The following GATAD2A variants were observed in gnomAD, a reference collection of about 807,000 sequenced individuals.
GATAD2A encodes transcriptional repressor p66-alpha.
In GATAD2A, 12 loss-of-function variants were observed where a neutral mutation model predicts 68.5. The observed-to-expected ratio is 0.18, with a 90% CI of 0.11 to 0.28. GATAD2A has a LOEUF of 0.28. Ranked by LOEUF, GATAD2A falls within the 10% of genes least tolerant of loss-of-function variation. The pLI is 1.00. For synonymous variants in GATAD2A, 410 were observed against 375.3 expected, an observed-to-expected ratio of 1.09 and a Z score of -1.07; for missense variants, 755 against 868.5, an observed-to-expected ratio of 0.87 and a Z score of 1.64.
chr19:19,502,335 C>T lies in GATAD2A; in HGVS notation c.1583C>T (p.Ser528Phe), dbSNP rs770969551. The T allele has an allele frequency of 2.5e-6, 4 of 1,609,160 alleles. No homozygotes were observed. Among genetic ancestry groups the T allele is most frequent in the Non-Finnish European group, 2.5e-6 (3 of 1,177,052 alleles). Residue 528 changes from serine (S) to phenylalanine (F), a missense_variant, in exon 11 of 12, where the codon TCC becomes TTC. By Grantham distance (155) the Ser-to-Phe change is radical (BLOSUM62 -2). Coordinates refer to ENST00000683918, the MANE Select transcript of GATAD2A (RefSeq NM_001384528.1). ...DWSNGAVLQA[S>F]SQLSRGSATT... ...ACCCCCCTTTCTCCACTGCAGGCCT[C>T]CAGCCAGCTGTCCCGGGGTTCGGCC...
At chr19:19,398,934 C>T (rs1410251711) in intron 1 of GATAD2A, among the ~76,000 whole-genome samples, 1 of 152,176 alleles carries the variant, frequency 6.6e-6, no homozygotes, top group East Asian at 1.9e-4. Flanking sequence ...TGGCGGGCGC[C>T]TGTAATCCCA....
At chr19:19,474,266 A>G (rs1261058708) in intron 2 of GATAD2A, 1 of 561,488 alleles carries the variant, frequency 1.8e-6, no homozygotes, top group African/African-American at 2.1e-5. Flanking sequence ...CCACGTGAGC[A>G]TGGGGCTCTC....
intron 11 of GATAD2A, among the ~76,000 whole-genome samples, chr19:19,503,964 T>C (rs1242369728): frequency 6.6e-6 from 1 of 152,202 alleles, no homozygotes; most frequent in Non-Finnish European, 1.5e-5. Context: ...CCCAGCACTT[T>C]GTGAGGCCGA....
chr19:19,430,986 T>G (rs1278829993), intron 1 of GATAD2A, among the ~76,000 whole-genome samples: 5 of 138,896 alleles, frequency 3.6e-5, no homozygotes, highest in Admixed American at 7.1e-5. Flanking sequence ...GGTGTGTGTG[T>G]GTGTGTGTGT....
At chr19:19,428,944 G>A (rs1398267658) in intron 1 of GATAD2A, among the ~76,000 whole-genome samples, 1 of 152,012 alleles carries the variant, frequency 6.6e-6, no homozygotes, top group Non-Finnish European at 1.5e-5. Flanking sequence ...GCCCATGGCT[G>A]TAGTCTTGCC....
At chr19:19,408,847 C>T (rs1428897698) in intron 1 of GATAD2A, among the ~76,000 whole-genome samples, 1 of 152,032 alleles carries the variant, frequency 6.6e-6, no homozygotes, top group African/African-American at 2.4e-5. Context: ...GACCTTTCTC[C>T]TACTGGGGTC....
chr19:19,389,889 A>T (rs2048719314), intron 1 of GATAD2A, among the ~76,000 whole-genome samples: 1 of 152,058 alleles, frequency 6.6e-6, no homozygotes, highest in African/African-American at 2.4e-5. Flanking sequence ...CAGCCTCTGA[A>T]GTAGCTGGGA....
chr19:19,488,188 C>T (rs73922890), intron 2 of GATAD2A, among the ~76,000 whole-genome samples: 5,350 of 152,272 alleles, frequency 0.035, 324 homozygotes, highest in African/African-American at 0.12. Flanking sequence ...GCGGTGACAG[C>T]GGTGGTCAGA....
At chr19:19,441,191 C>T (rs1050890436) in intron 1 of GATAD2A, among the ~76,000 whole-genome samples, 25 of 151,972 alleles carry the variant, frequency 1.6e-4, no homozygotes, top group African/African-American at 5.1e-4. Flanking sequence ...TACAGGCGCC[C>T]GCCACCATGC....
At chr19:19,466,882 T>C (rs1466065447) in intron 2 of GATAD2A, among the ~76,000 whole-genome samples, 1 of 152,164 alleles carries the variant, frequency 6.6e-6, no homozygotes, top group African/African-American at 2.4e-5. Flanking sequence ...CCATGACAGC[T>C]CAGCAGGGGT....
At chr19:19,396,833 C>G (rs971077454) in intron 1 of GATAD2A, among the ~76,000 whole-genome samples, 1 of 151,918 alleles carries the variant, frequency 6.6e-6, no homozygotes, top group Admixed American at 6.6e-5. Flanking sequence ...GTCAGCCTCC[C>G]GAGTAGCTGG....
intron 1 of GATAD2A, among the ~76,000 whole-genome samples, chr19:19,414,890 G>T (rs1468908939): frequency 7.1e-6 from 1 of 141,764 alleles, no homozygotes; most frequent in East Asian, 2.0e-4. Flanking sequence ...GGTGTCTGTA[G>T]GGTGAGGATG....
At chr19:19,448,103 C>T (rs1009334975) in intron 1 of GATAD2A, among the ~76,000 whole-genome samples, 2 of 152,340 alleles carry the variant, frequency 1.3e-5, no homozygotes, top group South Asian at 2.1e-4. Flanking sequence ...CGTAGGCTCA[C>T]GGTCCAGGAG....
rs1309018329 is a variant in GATAD2A, at chr19:19,492,329, C to T, written c.293C>T (p.Pro98Leu). ...SHSDMKSERR[P>L]PSPDVIVLSD... ...AGTGACATGAAGTCCGAGAGGAGACCCCCCTCACCTGACGTGATTGTGCTC... is the reference window on the plus strand; with the variant it reads ...AGTGACATGAAGTCCGAGAGGAGACTCCCCTCACCTGACGTGATTGTGCTC... Residue 98 changes from proline to leucine, a missense_variant, in exon 3 of 12, where the codon CCC (proline) becomes CTC (leucine). Physicochemically the swap from Pro to Leu is moderately conservative, Grantham distance 98. Transcript: ENST00000683918. 6.2e-7 allele frequency: 1 copy of T among 1,606,964 alleles called. No homozygotes were observed. The highest frequency in any genetic ancestry group is 8.5e-7 in the Non-Finnish European group (1 of 1,176,718).
chr19:19,451,525 A>G (rs1278274738), intron 1 of GATAD2A, among the ~76,000 whole-genome samples: 1 of 152,210 alleles, frequency 6.6e-6, no homozygotes, highest in Non-Finnish European at 1.5e-5. Flanking sequence ...TTTTGGCACG[A>G]AGTAGAACCA....
chr19:19,508,118 A>T lies in GATAD2A; in HGVS notation c.*2644A>T, dbSNP rs2144607634. On this transcript the variant is annotated 3_prime_UTR_variant, in exon 12 of 12. Transcript: ENST00000683918. ...AATGTGGGAGCCCCCAGCCCAACTG[A>T]TTGTAACTGTCCCCTGTTACCTGTG... is the stretch of plus-strand genomic sequence containing the variant. 1 of 152,352 alleles carries T rather than the reference A, an allele frequency of 6.6e-6. No individual in the cohort carries two copies. The highest frequency in any genetic ancestry group is 2.4e-5 in the African/African-American group (1 of 41,564). 9.4% of individuals were successfully genotyped at this position (152,352 alleles called of 1,614,324 possible).
intron 1 of GATAD2A, 117 bp downstream of exon 1, chr19:19,406,136 A>C (rs957252982): frequency 6.6e-6 from 1 of 151,512 alleles, no homozygotes; most frequent in Admixed American, 6.6e-5. Context: ...CCCCTGCATG[A>C]GCGTGGAAAA....
intron 2 of GATAD2A, among the ~76,000 whole-genome samples, chr19:19,491,736 C>A (rs1023027030): frequency 6.6e-6 from 1 of 152,234 alleles, no homozygotes; most frequent in Non-Finnish European, 1.5e-5. Flanking sequence ...ATACACCCCT[C>A]GGTCTTCTGG....
chr19:19,498,396 C>G, intron 7 of GATAD2A, 47 bp from the exon 8 acceptor site: 1 of 1,561,428 alleles, frequency 6.4e-7, no homozygotes, highest in Non-Finnish European at 8.7e-7. Flanking sequence ...GAGCCTTCCT[C>G]TGGGCAGGCG....
Sources: allele counts gnomAD v4.1 joint callset (sites outside exome capture counted in the v4.1 genomes callset), GRCh38; gene constraint gnomAD v4.1.1; transcripts MANE v1.5; gene names NCBI Gene and HGNC (gene_info 2026-07-23, HGNC 2026-07-21).